Variants in SF3B3 observed in about 807,000 individuals in gnomAD.
The protein encoded by SF3B3 is SAP 130.
A neutral mutation model predicts 139.2 loss-of-function variants in SF3B3; 33 were observed. That is an observed-to-expected ratio of 0.24 (90% CI 0.18 to 0.32). The LOEUF is 0.32. SF3B3 is among the 10% of genes least tolerant of loss of function. The pLI is 1.00. For missense variants in SF3B3, 818 were observed against 1,509.4 expected, an observed-to-expected ratio of 0.54 and a Z score of 7.59; for synonymous variants, 596 against 563.6, an observed-to-expected ratio of 1.06 and a Z score of -0.81.
rs868353862 is a variant in SF3B3, at chr16:70,540,759, A to G, written c.1068-910A>G. Among the ~76,000 whole-genome samples the G allele has an allele frequency of 2.0e-4, 30 of 152,066 alleles. No homozygotes were observed. In the Middle Eastern group the frequency reaches 0.027, roughly 138 times the overall value. On this transcript the variant is annotated intron_variant, in intron 8 of 25. Coordinates refer to ENST00000302516, the MANE Select transcript of SF3B3 (RefSeq NM_012426.5). ...AAAAAAAAAAGAAAGAAAAAGATTC[A>G]TGTTTTGGTAGCCTGTATCAGAGCT...
rs759898259 is a variant in SF3B3, at chr16:70,561,381, G to A, written c.2134-249G>A. On this transcript the variant is annotated intron_variant, in intron 16 of 25. Transcript: ENST00000302516. ...GTGGTACTGTTTTCATTTTACACAC[G>A]TGGAAGCAGGCTTAGAGAGATGAAA... 73 of 367,172 alleles carry A rather than the reference G, an allele frequency of 2.0e-4. No homozygotes were observed. The Middle Eastern group carries it at 2.2e-3, about 11-fold the overall frequency. 22.7% of individuals were successfully genotyped at this position (367,172 alleles called of 1,614,324 possible).
intron 10 of SF3B3, among the ~76,000 whole-genome samples, chr16:70,546,361 C>T (rs1352439023): frequency 6.6e-6 from 1 of 152,194 alleles, no homozygotes; most frequent in Non-Finnish European, 1.5e-5. Context: ...ACAAAAAATG[C>T]ATATGTGCGG....
At chr16:70,536,592 C>T (rs148761770) in intron 6 of SF3B3, among the ~76,000 whole-genome samples, 3,422 of 151,842 alleles carry the variant, frequency 0.023, 238 homozygotes, top group East Asian at 0.2. Flanking sequence ...ATTTCCTGAC[C>T]TCGTGATCTG....
At chr16:70,553,221 C>T (rs4592653) in intron 11 of SF3B3, among the ~76,000 whole-genome samples, 54,202 of 152,048 alleles carry the variant, frequency 0.36, 10,342 homozygotes, top group South Asian at 0.62. Context: ...CATGCCTGGT[C>T]GAATGATACA....
At chr16:70,556,155 C>T (rs768967240) in intron 13 of SF3B3, 24 bp from the exon 14 acceptor site, 1 of 1,613,646 alleles carries the variant, frequency 6.2e-7, no homozygotes, top group African/African-American at 1.3e-5. Flanking sequence ...TAGTTTTGAC[C>T]TTGCTGTGTC....
At chr16:70,560,398 A>C in intron 15 of SF3B3, 71 bp from the exon 16 acceptor site, 1 of 1,547,832 alleles carries the variant, frequency 6.5e-7, no homozygotes, top group East Asian at 2.3e-5. Context: ...TGAAGTACCC[A>C]AGGGAGAGGT....
chr16:70,532,247 G>A (rs2050128159), intron 4 of SF3B3, among the ~76,000 whole-genome samples: 2 of 150,574 alleles, frequency 1.3e-5, no homozygotes, highest in South Asian at 2.1e-4. Context: ...AGCTGAGATC[G>A]TGCCATTGCA....
At chr16:70,538,101 G>T in intron 6 of SF3B3, 1 of 699,958 alleles carries the variant, frequency 1.4e-6, no homozygotes, top group Non-Finnish European at 2.6e-6. Flanking sequence ...TCAGGCTGTA[G>T]AGTGGAATTG....
intron 1 of SF3B3, 139 bp downstream of exon 1, chr16:70,524,067 T>C (rs980155974): frequency 4.0e-5 from 16 of 395,248 alleles, no homozygotes; most frequent in Admixed American, 2.6e-4. Flanking sequence ...TACCGAGGGA[T>C]GGTTGAGGCG....
At position 70,571,905 on chromosome 16, in the gene SF3B3, G is replaced by T; in HGVS notation, c.*92G>T. ...ACCTGGCTTCTGCCATGTGGCAGGA[G>T]GGTGACTGGATAATTAAGACTGCAT... On this transcript the variant is annotated 3_prime_UTR_variant, in exon 26 of 26. Transcript: ENST00000302516. 1 of 1,443,194 alleles carries T rather than the reference G, an allele frequency of 6.9e-7. No homozygotes were observed. Among genetic ancestry groups the T allele is most frequent in the South Asian group, 1.3e-5 (1 of 76,942 alleles). 89.4% of individuals were successfully genotyped at this position (1,443,194 alleles called of 1,614,324 possible). A position where few individuals can be genotyped will look rare whatever the true frequency, so the allele number is the denominator to read the frequency against.
intron 11 of SF3B3, chr16:70,550,676 CAGGTGTGTACCTA>C: frequency 1.0e-6 from 1 of 985,042 alleles, no homozygotes; most frequent in Non-Finnish European, 1.2e-6. Flanking sequence ...CTGATCACCA[CAGGTGTGTACCTA>C]ACTGCTAGGG....
rs563113692 is a variant in SF3B3 at position 70,528,228 on chromosome 16, G to A, written c.71-645G>A. 3.1e-4 allele frequency among the ~76,000 whole-genome samples: 44 copies of A among 142,488 alleles called. No individual in the cohort carries two copies. The Admixed American group carries it at 3.2e-3, about 10-fold the overall frequency. 93.5% of individuals were successfully genotyped at this position (142,488 alleles called of 152,430 possible). On this transcript the variant is annotated intron_variant, in intron 2 of 25. Coordinates refer to ENST00000302516, the MANE Select transcript of SF3B3 (RefSeq NM_012426.5). ...TGCCCAGGCTGGAGTACAGTAGTGC[G>A]ACCTCGGCTCACTGCAAACTCCGTC...
At position 70,568,293 on chromosome 16, in the gene SF3B3, A is replaced by G. The variant is rs371318403; in HGVS notation, c.2963A>G (p.Asn988Ser). 1.7e-5 allele frequency: 27 copies of G among 1,611,312 alleles called. No individual in the cohort carries two copies. Among genetic ancestry groups the G allele is most frequent in the African/African-American group, 8.0e-5 (6 of 74,868 alleles). ...CTTTGTTTTTCCCAGCATATTGCCA[A>G]TTATATCTCTGGGATCCAGACTATC... ...LRKCENKHIA[N>S]YISGIQTIGH... The change falls in exon 22 of 26, where the codon AAT becomes AGT. Residue 988 changes from asparagine (N) to serine (S), a missense_variant. Physicochemically the swap from Asn to Ser is conservative, Grantham distance 46 (BLOSUM62 1). Coordinates refer to ENST00000302516, the MANE Select transcript of SF3B3 (RefSeq NM_012426.5).
chr16:70,541,172 G>A (rs571849250), intron 8 of SF3B3, among the ~76,000 whole-genome samples: 1 of 152,300 alleles, frequency 6.6e-6, no homozygotes, highest in African/African-American at 2.4e-5. Flanking sequence ...GTAGCTCATT[G>A]TGGTTTGCCT....
Position 70,574,460 on chromosome 16 carries a change from G to A in SF3B3, c.*2647G>A, listed in dbSNP as rs1217535403. On this transcript the variant is annotated 3_prime_UTR_variant, in exon 26 of 26. Transcript: ENST00000302516. Reference sequence around the variant, plus strand: ...GGCCTCCCAAAGCACTGGGATTATAGGTGTGAGCCATTGCGCCTGGTCATA... The same window carrying A: ...GGCCTCCCAAAGCACTGGGATTATAAGTGTGAGCCATTGCGCCTGGTCATA... 2.0e-5 allele frequency: 3 copies of A among 152,196 alleles called. No individual in the cohort carries two copies. Among genetic ancestry groups the A allele is most frequent in the African/African-American group, 7.2e-5 (3 of 41,404 alleles). The allele number at this position is 152,196 out of a possible 1,614,324, so 9.4% of individuals were successfully genotyped here. A position where few individuals can be genotyped will look rare whatever the true frequency, so the allele number is the denominator to read the frequency against.
At position 70,556,242 on chromosome 16, in the gene SF3B3, C is replaced by T. The variant is rs889681793; in HGVS notation, c.1774C>T (p.Leu592=). 4.4e-5 allele frequency: 71 copies of T among 1,614,072 alleles called. No individual in the cohort carries two copies. The highest frequency in any genetic ancestry group is 6.0e-5 in the Non-Finnish European group (71 of 1,180,026). The part of the protein sequence containing the change: ...EMSADVVCMS[L]ANVPPGEQRS... ...GTCAGCAGATGTGGTGTGCATGAGT[C>T]TGGCCAATGTACCCCCTGGAGAGCA... The change falls in exon 14 of 26, where the codon CTG becomes TTG. Residue 592 remains leucine (L), a synonymous_variant. Coordinates refer to ENST00000302516, the MANE Select transcript of SF3B3 (RefSeq NM_012426.5).
At chr16:70,562,416 T>TA (rs1194558757) in intron 17 of SF3B3, among the ~76,000 whole-genome samples, 1 of 152,216 alleles carries the variant, frequency 6.6e-6, no homozygotes, top group Non-Finnish European at 1.5e-5. Flanking sequence ...CACTATTGCT[T>TA]ATCAAATGAG....
chr16:70,534,342 C>T (rs1240027938), intron 5 of SF3B3, among the ~76,000 whole-genome samples: 1 of 152,134 alleles, frequency 6.6e-6, no homozygotes, highest in Non-Finnish European at 1.5e-5. Context: ...GGGGTGAAAG[C>T]TACTGAAGGA....
chr16:70,539,890 C>A (rs941696892), intron 8 of SF3B3, among the ~76,000 whole-genome samples: 3 of 151,162 alleles, frequency 2.0e-5, no homozygotes, highest in African/African-American at 7.3e-5. Context: ...AATTCTCCTG[C>A]CTCAGACTCC....
Sources: gnomAD v4.1 joint callset for allele counts (sites outside exome capture counted in the v4.1 genomes callset) on GRCh38, gnomAD v4.1.1 for gene constraint, MANE v1.5 for transcripts, NCBI Gene and HGNC (gene_info 2026-07-23, HGNC 2026-07-21) for gene names.